Variants in SGCZ observed in about 807,000 individuals in gnomAD.
The protein encoded by SGCZ is zeta-sarcoglycan.
SGCZ carries 40 observed loss-of-function variants against 41.3 expected under a neutral mutation model. The ratio of observed to expected loss-of-function variants is 0.97; its 90% CI spans 0.75 to 1.26. The LOEUF (loss-of-function observed/expected upper bound fraction) is 1.26, where lower values mean the gene tolerates loss of function less well. Among genes scored for constraint, SGCZ ranks in the 50% most tolerant of loss-of-function variants. The probability of loss-of-function intolerance (pLI) is 0.00; values close to 1 mark genes in which losing one functional copy is unlikely to be tolerated. For missense variants in SGCZ, 552 were observed against 369.8 expected, an observed-to-expected ratio of 1.49 and a Z score of -4.04; for synonymous variants, 206 against 137.5, an observed-to-expected ratio of 1.50 and a Z score of -3.49.
intron 1 of SGCZ, among the ~76,000 whole-genome samples, chr8:14,865,177 G>A (rs942397724): frequency 4.6e-5 from 7 of 151,922 alleles, no homozygotes; most frequent in Admixed American, 6.6e-5. Flanking sequence ...CCACCGTCAC[G>A]TGACTCCCAG....
At chr8:14,954,746 A>T (rs1387510003) in intron 1 of SGCZ, among the ~76,000 whole-genome samples, 1 of 152,122 alleles carries the variant, frequency 6.6e-6, no homozygotes, top group East Asian at 1.9e-4. Flanking sequence ...ATTGAGCCTT[A>T]GGTGAGACTC....
At chr8:14,843,294 T>TA in intron 1 of SGCZ, among the ~76,000 whole-genome samples, 1 of 152,268 alleles carries the variant, frequency 6.6e-6, no homozygotes, top group Non-Finnish European at 1.5e-5. Flanking sequence ...TCTTTTTTTT[T>TA]AATATGGGGG....
chr8:14,891,093 G>A (rs1052939987), intron 1 of SGCZ, among the ~76,000 whole-genome samples: 2 of 152,170 alleles, frequency 1.3e-5, no homozygotes, highest in African/African-American at 4.8e-5. Context: ...GGAGATTAAT[G>A]TTTCCATGCC....
chr8:14,090,711 C>T (rs1020242438), intron 7 of SGCZ, 74 bp from the exon 8 acceptor site: 6 of 1,306,350 alleles, frequency 4.6e-6, no homozygotes, highest in Non-Finnish European at 6.3e-6. Context: ...CCCTCCTCAA[C>T]ATGGTCTAAT....
chr8:14,455,455 TACACACACACAC>T (rs5889534), intron 2 of SGCZ, among the ~76,000 whole-genome samples: 26 of 144,448 alleles, frequency 1.8e-4, no homozygotes, highest in African/African-American at 4.6e-4. Context: ...TTTGCATGCA[TACACACACACAC>T]ACACACACAC....
chr8:14,146,890 A>AAAAAAAAAAAAAAATAAT (rs1182329393), intron 5 of SGCZ, among the ~76,000 whole-genome samples: 13 of 116,136 alleles, frequency 1.1e-4, no homozygotes, highest in East Asian at 4.8e-4. Flanking sequence ...AAAATAAAAA[A>AAAAAAAAAAAAAAATAAT]AATAATAATA....
rs988684901 is a variant in SGCZ at position 14,665,149 on chromosome 8, C to A, written c.40-110223G>T. ...TTAACATTAGGTATATCTCCTAATG[C>A]TATCCCTCCCCCCTCTCCCCACCCC... On this transcript the variant is annotated intron_variant, in intron 1 of 7. Coordinates refer to ENST00000382080, the MANE Select transcript of SGCZ (RefSeq NM_139167.4). Among the ~76,000 whole-genome samples the A allele has an allele frequency of 1.1e-4, 16 of 152,124 alleles. 3 individuals are homozygous for A. The highest frequency in any genetic ancestry group is 9.8e-4 in the Admixed American group (15 of 15,270).
intron 1 of SGCZ, among the ~76,000 whole-genome samples, chr8:14,982,187 T>C (rs1017165810): frequency 1.3e-5 from 2 of 151,744 alleles, no homozygotes; most frequent in African/African-American, 4.8e-5. Context: ...ATGACATTAT[T>C]TGAAAATACA....
intron 1 of SGCZ, among the ~76,000 whole-genome samples, chr8:14,631,779 G>A (rs1235886384): frequency 6.6e-6 from 1 of 152,020 alleles, no homozygotes; most frequent in Non-Finnish European, 1.5e-5. Flanking sequence ...TGAGAGTTAG[G>A]AAAGATTTCC....
At position 14,089,014 on chromosome 8, in the gene SGCZ, C is replaced by A. The variant is rs185796825; in HGVS notation, c.*1429G>T. Among the ~76,000 whole-genome samples the A allele has an allele frequency of 3.9e-5, 6 of 152,014 alleles. No individual in the cohort carries two copies. Among genetic ancestry groups the A allele is most frequent in the African/African-American group, 1.4e-4 (6 of 41,526 alleles). ...AGGACTTACCTTATAGTAATTAAGT[C>A]ATCTTCCCATAATAGGAAATACTTA... On this transcript the variant is annotated 3_prime_UTR_variant, in exon 8 of 8. Transcript: ENST00000382080.
intron 1 of SGCZ, among the ~76,000 whole-genome samples, chr8:14,855,335 C>G (rs1218130925): frequency 1.3e-5 from 2 of 152,160 alleles, no homozygotes; most frequent in African/African-American, 4.8e-5. Flanking sequence ...CAGGCGTGAG[C>G]CACTGTCCCC....
chr8:14,582,181 C>A (rs1024344062), intron 1 of SGCZ, among the ~76,000 whole-genome samples: 3 of 151,814 alleles, frequency 2.0e-5, no homozygotes, highest in South Asian at 2.1e-4. Context: ...ATATGTATAA[C>A]CTACAAAATA....
intron 2 of SGCZ, among the ~76,000 whole-genome samples, chr8:14,362,272 C>T (rs1803548023): frequency 6.6e-6 from 1 of 152,188 alleles, no homozygotes. Flanking sequence ...CAGATATGCC[C>T]TGCCCCCGGA....
intron 1 of SGCZ, among the ~76,000 whole-genome samples, chr8:14,720,865 G>A (rs2264040): frequency 0.37 from 56,753 of 151,654 alleles, 12,952 homozygotes; most frequent in Non-Finnish European, 0.51. Flanking sequence ...CTACTGTTTT[G>A]TAAATCCATT....
chr8:14,899,997 T>A (rs1798910172), intron 1 of SGCZ, among the ~76,000 whole-genome samples: 1 of 152,152 alleles, frequency 6.6e-6, no homozygotes, highest in African/African-American at 2.4e-5. Flanking sequence ...GGTGTTATTC[T>A]CATTCTCTGA....
intron 1 of SGCZ, among the ~76,000 whole-genome samples, chr8:14,984,616 C>G (rs1280752762): frequency 6.6e-6 from 1 of 152,054 alleles, no homozygotes; most frequent in African/African-American, 2.4e-5. Context: ...ATTGTATATC[C>G]TGTAACTTTG....
chr8:14,674,163 GCT>G (rs1808198852), intron 1 of SGCZ, among the ~76,000 whole-genome samples: 1 of 33,730 alleles, frequency 3.0e-5, no homozygotes, highest in East Asian at 3.2e-3. Flanking sequence ...TTTCATGTTA[GCT>G]TAGCTAATTT....
intron 7 of SGCZ, among the ~76,000 whole-genome samples, chr8:14,095,756 G>C (rs1265218933): frequency 6.6e-6 from 1 of 152,128 alleles, no homozygotes; most frequent in African/African-American, 2.4e-5. Flanking sequence ...TTTTCCATTT[G>C]TTTGTGTCCT....
intron 1 of SGCZ, among the ~76,000 whole-genome samples, chr8:14,716,691 G>A (rs1260980151): frequency 1.3e-5 from 2 of 152,054 alleles, no homozygotes; most frequent in African/African-American, 2.4e-5. Context: ...TTAGGAAAAC[G>A]TACAGATAAC....
Sources: allele counts gnomAD v4.1 joint callset (sites outside exome capture counted in the v4.1 genomes callset), GRCh38; gene constraint gnomAD v4.1.1; transcripts MANE v1.5; gene names NCBI Gene and HGNC (gene_info 2026-07-23, HGNC 2026-07-21).